Variants in FOXN3 observed in about 807,000 individuals in gnomAD.
The protein encoded by FOXN3 is forkhead box protein N3.
Under a neutral mutation model 38.4 loss-of-function variants are expected in FOXN3, and 7 were observed. The observed-to-expected ratio is 0.18, with a 90% CI of 0.10 to 0.34. The LOEUF (loss-of-function observed/expected upper bound fraction) is 0.34. FOXN3 is among the 10% of genes least tolerant of loss of function. FOXN3 has a pLI of 1.00. For synonymous variants in FOXN3, 230 were observed against 242.2 expected (o/e 0.95, Z 0.47); for missense variants, 456 against 613.4 (o/e 0.74, Z 2.71).
intron 1 of FOXN3, among the ~76,000 whole-genome samples, chr14:89,478,649 C>T (rs990019441): frequency 5.3e-5 from 8 of 152,010 alleles, no homozygotes; most frequent in Middle Eastern, 3.2e-3. Flanking sequence ...ACCACAACAC[C>T]GACTGAGCAC....
chr14:89,575,215 C>T (rs990787266), intron 1 of FOXN3, among the ~76,000 whole-genome samples: 2 of 152,304 alleles, frequency 1.3e-5, no homozygotes, highest in East Asian at 1.9e-4. Context: ...GACCCCCAAG[C>T]GACACTGACT....
intron 4 of FOXN3, among the ~76,000 whole-genome samples, chr14:89,198,426 G>T (rs1888153316): frequency 6.6e-6 from 1 of 152,164 alleles, no homozygotes; most frequent in Admixed American, 6.5e-5. Context: ...AGGGATGACT[G>T]TGCTTAGATA....
chr14:89,465,852 A>C (rs1301656764), intron 1 of FOXN3, among the ~76,000 whole-genome samples: 1 of 152,190 alleles, frequency 6.6e-6, no homozygotes, highest in Non-Finnish European at 1.5e-5. Flanking sequence ...CTAGGACATC[A>C]CTCTGGATTG....
intron 1 of FOXN3, among the ~76,000 whole-genome samples, chr14:89,451,206 T>C (rs1451808008): frequency 6.6e-6 from 1 of 152,182 alleles, no homozygotes; most frequent in Admixed American, 6.5e-5. Flanking sequence ...CTGTCTCTCA[T>C]TTTGCTACTG....
intron 1 of FOXN3, among the ~76,000 whole-genome samples, chr14:89,478,926 C>A (rs2139757066): frequency 3.9e-4 from 1 of 2,542 alleles, no homozygotes; most frequent in Non-Finnish European, 2.3e-3. Context: ...AGCGAGACTC[C>A]ATCTCAAAAA....
At chr14:89,356,572 T>A (rs1426229801) in intron 2 of FOXN3, 1 of 152,052 alleles carries the variant, frequency 6.6e-6, no homozygotes, top group Admixed American at 6.6e-5. Flanking sequence ...GAAAACGAAA[T>A]GGAGTGGGGA....
In FOXN3 at chr14:89,604,342, G is replaced by A. The variant is rs189454608; in HGVS notation, c.-15+14686C>T. Among the ~76,000 whole-genome samples the A allele has an allele frequency of 2.2e-4, 33 of 151,726 alleles. 1 individual carries two copies. In the East Asian group the frequency reaches 2.5e-3, roughly 12 times the overall value. The stretch of plus-strand genomic sequence containing the variant: ...GTGAAAACAATAGAGAGGAGAACCC[G>A]GCCAACAAAGACTTCAAACTTTAAA... On this transcript the variant is annotated intron_variant, in intron 1 of 6. Coordinates refer to the FOXN3 transcript ENST00000345097.
rs148090906 is a variant in FOXN3 at position 89,391,107 on chromosome 14, G to A, written c.543+20827C>T. On this transcript the variant is annotated intron_variant, in intron 2 of 5. Coordinates refer to ENST00000557258, the MANE Select transcript of FOXN3 (RefSeq NM_005197.4). ...GGTCTTCCGAGGCCAATTACAGAGG[G>A]TGAAAACTTTGTAAGAGAAAATCAC... 1.9e-4 allele frequency among the ~76,000 whole-genome samples: 29 copies of A among 152,296 alleles called. No individual in the cohort carries two copies. The East Asian group carries it at 5.4e-3, about 28-fold the overall frequency.
chr14:89,435,149 C>T (rs971975300), intron 1 of FOXN3, among the ~76,000 whole-genome samples: 1 of 152,038 alleles, frequency 6.6e-6, no homozygotes, highest in African/African-American at 2.4e-5. Context: ...TGGGAGGCTG[C>T]GGAGGGGAGG....
chr14:89,417,027 C>CCGCGGG lies in FOXN3; in HGVS notation c.-177_-172dup, dbSNP rs904675236. 1 of 144,616 alleles carries CCGCGGG rather than the reference C, an allele frequency of 6.9e-6. No individual in the cohort carries two copies. Among genetic ancestry groups the CCGCGGG allele is most frequent in the African/African-American group, 2.5e-5 (1 of 40,332 alleles). The allele number at this position is 144,616 out of a possible 1,614,324, so 9.0% of individuals were successfully genotyped here. ...CGGGGCGGCGGGCGGCGGGGGGCGGCCGCGGGCGCGGGCGGCAGGGGCGCG... is the reference window on the plus strand; with the variant it reads ...CGGGGCGGCGGGCGGCGGGGGGCGGCCGCGGGCGCGGGCGCGGGCGGCAGGGGCGCG... On this transcript the variant is annotated 5_prime_UTR_variant, in exon 1 of 6. Transcript: ENST00000557258.
At chr14:89,356,019 T>A (rs1330050182) in intron 2 of FOXN3, among the ~76,000 whole-genome samples, 1 of 151,316 alleles carries the variant, frequency 6.6e-6, no homozygotes, top group Non-Finnish European at 1.5e-5. Context: ...CAATTTCAGT[T>A]TGTGCAGAAC....
chr14:89,543,618 T>C (rs1894832080), intron 1 of FOXN3, among the ~76,000 whole-genome samples: 1 of 152,254 alleles, frequency 6.6e-6, no homozygotes, highest in South Asian at 2.1e-4. Context: ...AGCAAGCTTT[T>C]GGCATGTGGC....
At chr14:89,185,461 C>T (rs1175656383) in intron 4 of FOXN3, 1 of 152,338 alleles carries the variant, frequency 6.6e-6, no homozygotes, top group African/African-American at 2.4e-5. Context: ...TACTCTTTCC[C>T]TTCCTTTTAC....
At chr14:89,262,726 T>C (rs1282351945) in intron 4 of FOXN3, among the ~76,000 whole-genome samples, 2 of 147,026 alleles carry the variant, frequency 1.4e-5, no homozygotes, top group Non-Finnish European at 3.0e-5. Context: ...GTATTAATAT[T>C]AAAATGATGC....
intron 1 of FOXN3, among the ~76,000 whole-genome samples, chr14:89,457,138 T>C (rs1182952180): frequency 1.3e-5 from 2 of 152,208 alleles, no homozygotes; most frequent in African/African-American, 4.8e-5. Context: ...ATAAACAACA[T>C]GGCGATAGCC....
At chr14:89,298,923 T>TC (rs760432872) in intron 3 of FOXN3, among the ~76,000 whole-genome samples, 104 of 152,236 alleles carry the variant, frequency 6.8e-4, no homozygotes, top group Non-Finnish European at 1.2e-3. Context: ...ACTGACAGTC[T>TC]CTTCTATGAG....
At chr14:89,276,430 G>A (rs1478680631) in intron 4 of FOXN3, among the ~76,000 whole-genome samples, 1 of 152,234 alleles carries the variant, frequency 6.6e-6, no homozygotes, top group Non-Finnish European at 1.5e-5. Context: ...AAGGAAGAGG[G>A]AAGAATGACC....
chr14:89,555,896 GGT>G (rs1283789751), intron 1 of FOXN3, among the ~76,000 whole-genome samples: 2 of 110,382 alleles, frequency 1.8e-5, no homozygotes, highest in Non-Finnish European at 4.3e-5. Context: ...TGTATGTGGG[GGT>G]GTGTGTGTTG....
rs59949946 is a variant in FOXN3, at chr14:89,312,284, C to CAAAAAAAAAAAAAAAAAAAAAAA, written c.681-31271_681-31270insTTTTTTTTTTTTTTTTTTTTTTT. Reference sequence around the variant, plus strand: ...TGGGTGACAGAGCAAGACTCGGTCTCAAAAAAAAAAAAAAAAAGAAGCCAA... The same window carrying CAAAAAAAAAAAAAAAAAAAAAAA: ...TGGGTGACAGAGCAAGACTCGGTCTCAAAAAAAAAAAAAAAAAAAAAAAAAAAAAAAAAAAAAAAAGAAGCCAA... On this transcript the variant is annotated intron_variant, in intron 3 of 5. Coordinates refer to ENST00000557258, the MANE Select transcript of FOXN3 (RefSeq NM_005197.4). 1.9e-3 allele frequency among the ~76,000 whole-genome samples: 118 copies of CAAAAAAAAAAAAAAAAAAAAAAA among 60,542 alleles called. 7 individuals carry two copies. The highest frequency in any genetic ancestry group is 5.6e-3 in the African/African-American group (68 of 12,052). 39.7% of individuals were successfully genotyped at this position (60,542 alleles called of 152,430 possible).
Sources: allele counts gnomAD v4.1 joint callset (sites outside exome capture counted in the v4.1 genomes callset), GRCh38; gene constraint gnomAD v4.1.1; transcripts MANE v1.5; gene names NCBI Gene and HGNC (gene_info 2026-07-23, HGNC 2026-07-21).